RNF220: variants seen among roughly 807,000 people sequenced by gnomAD.
RNF220 encodes the protein ring finger protein 220, also known as E3 ubiquitin-protein ligase RNF220.
A neutral mutation model predicts 67.1 loss-of-function variants in RNF220; 7 were observed. The ratio of observed to expected loss-of-function variants is 0.10; its 90% CI spans 0.06 to 0.20. RNF220 has a LOEUF of 0.20. Ranked by LOEUF, RNF220 falls within the 10% of genes least tolerant of loss-of-function variation. The pLI is 1.00. For synonymous variants in RNF220, 270 were observed against 283.2 expected (o/e 0.95, Z 0.47); for missense variants, 565 against 740.3 (o/e 0.76, Z 2.75).
chr1:44,592,219 C>T (rs543249530), intron 2 of RNF220, among the ~76,000 whole-genome samples: 9 of 152,348 alleles, frequency 5.9e-5, no homozygotes, highest in Non-Finnish European at 1.2e-4. Context: ...CGAATTCCTT[C>T]CCGCAGCACC....
chr1:44,407,891 C>T (rs1647545727), intron 1 of RNF220, among the ~76,000 whole-genome samples: 2 of 152,106 alleles, frequency 1.3e-5, no homozygotes, highest in African/African-American at 4.8e-5. Context: ...GGACTTTGGT[C>T]GAAGGCTGGC....
intron 2 of RNF220, among the ~76,000 whole-genome samples, chr1:44,558,179 C>T (rs1038907945): frequency 6.6e-6 from 1 of 152,216 alleles, no homozygotes; most frequent in African/African-American, 2.4e-5. Context: ...TCACAAAAGG[C>T]ATTGCCTTGC....
intron 8 of RNF220, among the ~76,000 whole-genome samples, chr1:44,636,962 T>C (rs1346618091): frequency 6.6e-6 from 1 of 152,270 alleles, no homozygotes; most frequent in Non-Finnish European, 1.5e-5. Context: ...AAAGGGGAGC[T>C]GTCTGCCTCT....
chr1:44,590,239 A>G (rs750608163), intron 2 of RNF220, among the ~76,000 whole-genome samples: 5 of 152,226 alleles, frequency 3.3e-5, no homozygotes, highest in East Asian at 1.9e-4. Context: ...CTTCCAGGCA[A>G]TCACTCATAT....
chr1:44,508,781 G>A (rs532127074), intron 2 of RNF220, among the ~76,000 whole-genome samples: 6 of 152,214 alleles, frequency 3.9e-5, no homozygotes, highest in Non-Finnish European at 7.4e-5. Context: ...TTAGACCCTC[G>A]TGGTGGAAAA....
chr1:44,631,316 C>T (rs1269982199), intron 5 of RNF220, among the ~76,000 whole-genome samples: 10 of 152,214 alleles, frequency 6.6e-5, no homozygotes, highest in Admixed American at 5.9e-4. Flanking sequence ...AAATTAGCGA[C>T]CTTTCAATGT....
intron 2 of RNF220, among the ~76,000 whole-genome samples, chr1:44,572,850 C>T (rs1015899504): frequency 2.6e-5 from 4 of 152,160 alleles, no homozygotes; most frequent in Non-Finnish European, 5.9e-5. Context: ...TATAATTTTG[C>T]ACCATTACTC....
intron 2 of RNF220, among the ~76,000 whole-genome samples, chr1:44,543,692 C>A (rs2148229997): frequency 6.6e-6 from 1 of 151,870 alleles, no homozygotes; most frequent in Middle Eastern, 3.4e-3. Context: ...ATGTTTTGGG[C>A]ATTAAAAAAA....
chr1:44,632,700 C>G, intron 6 of RNF220: 1 of 509,986 alleles, frequency 2.0e-6, no homozygotes, highest in Non-Finnish European at 3.6e-6. Context: ...AATTTGCAAA[C>G]TGCTGGGACC....
chr1:44,562,258 A>G (rs1663627918), intron 2 of RNF220, among the ~76,000 whole-genome samples: 1 of 152,160 alleles, frequency 6.6e-6, no homozygotes, highest in African/African-American at 2.4e-5. Flanking sequence ...GAAGGTGTCC[A>G]TTTCACAAGG....
intron 2 of RNF220, among the ~76,000 whole-genome samples, chr1:44,511,403 G>A (rs1658983222): frequency 6.6e-6 from 1 of 152,160 alleles, no homozygotes; most frequent in Non-Finnish European, 1.5e-5. Context: ...GGAAAGGTGG[G>A]GGACAGACCA....
chr1:44,461,833 C>G (rs1653787694), intron 2 of RNF220, among the ~76,000 whole-genome samples: 1 of 151,222 alleles, frequency 6.6e-6, no homozygotes, highest in Non-Finnish European at 1.5e-5. Context: ...AATGGCTGGT[C>G]AAAATGAAAC....
intron 2 of RNF220, among the ~76,000 whole-genome samples, chr1:44,578,613 T>C (rs1172557329): frequency 2.0e-5 from 3 of 152,160 alleles, no homozygotes; most frequent in Non-Finnish European, 4.4e-5. Context: ...AGAGTTCTGT[T>C]CCACTCTGCA....
chr1:44,557,793 G>A (rs1663236886), intron 2 of RNF220, among the ~76,000 whole-genome samples: 1 of 152,018 alleles, frequency 6.6e-6, no homozygotes, highest in South Asian at 2.1e-4. Flanking sequence ...TCAGGATCTT[G>A]TGAATAAGTT....
intron 2 of RNF220, among the ~76,000 whole-genome samples, chr1:44,436,018 TAGG>T (rs1650931137): frequency 6.6e-6 from 1 of 152,192 alleles, no homozygotes; most frequent in African/African-American, 2.4e-5. Flanking sequence ...CCTCTGATTT[TAGG>T]AGGAGTCAAA....
intron 2 of RNF220, among the ~76,000 whole-genome samples, chr1:44,454,247 T>C (rs1157767815): frequency 1.3e-5 from 2 of 152,190 alleles, no homozygotes; most frequent in Non-Finnish European, 2.9e-5. Flanking sequence ...CTGTAAATTA[T>C]TTGAAACTGA....
At chr1:44,557,731 A>G (rs1226006218) in intron 2 of RNF220, among the ~76,000 whole-genome samples, 6 of 152,228 alleles carry the variant, frequency 3.9e-5, no homozygotes, top group Non-Finnish European at 8.8e-5. Flanking sequence ...AATCACCTTT[A>G]TTCATCCCAA....
At chr1:44,590,579 C>T (rs985678059) in intron 2 of RNF220, among the ~76,000 whole-genome samples, 8 of 152,216 alleles carry the variant, frequency 5.3e-5, no homozygotes, top group African/African-American at 1.9e-4. Flanking sequence ...TCCGGTTCCC[C>T]GCTCCCCAGA....
intron 2 of RNF220, among the ~76,000 whole-genome samples, chr1:44,441,759 T>G (rs532924230): frequency 6.6e-6 from 1 of 152,280 alleles, no homozygotes; most frequent in East Asian, 1.9e-4. Context: ...TCAGCAGCAT[T>G]TCATCATTCA....
Sources: allele counts gnomAD v4.1 joint callset (sites outside exome capture counted in the v4.1 genomes callset), GRCh38; gene constraint gnomAD v4.1.1; transcripts MANE v1.5; gene names NCBI Gene and HGNC (gene_info 2026-07-23, HGNC 2026-07-21).